The following HSD17B4 variants were observed in gnomAD, a reference collection of about 807,000 sequenced individuals.
HSD17B4 encodes hydroxysteroid 17-beta dehydrogenase 4, also known as peroxisomal multifunctional enzyme type 2.
A neutral mutation model predicts 101.0 loss-of-function variants in HSD17B4; 70 were observed. That is an observed-to-expected ratio of 0.69 (90% CI 0.57 to 0.85). HSD17B4 has a LOEUF of 0.85. HSD17B4 is among the 40% of genes least tolerant of loss of function. HSD17B4 has a pLI of 0.00. For missense variants in HSD17B4, 984 were observed against 892.4 expected (o/e 1.10, Z -1.31); for synonymous variants, 347 against 297.1 (o/e 1.17, Z -1.73).
chr5:119,525,621 A>T (rs780436991), intron 18 of HSD17B4: 15 of 518,572 alleles, frequency 2.9e-5, no homozygotes, highest in African/African-American at 1.3e-4. Context: ...ACCTGTGTGG[A>T]TGTTGAGAGT....
chr5:119,472,538 A>G (rs1210275408), intron 2 of HSD17B4: 1 of 151,826 alleles, frequency 6.6e-6, no homozygotes, highest in Non-Finnish European at 1.5e-5. Context: ...GGTTCAAGCG[A>G]TTCTCCTGCC....
intron 14 of HSD17B4, among the ~76,000 whole-genome samples, chr5:119,505,977 T>G (rs568292531): frequency 2.0e-5 from 3 of 152,288 alleles, no homozygotes; most frequent in South Asian, 4.1e-4. Flanking sequence ...CTGACTGCTT[T>G]TACTGTTGAA....
chr5:119,513,839 G>A (rs564798854), intron 16 of HSD17B4, among the ~76,000 whole-genome samples: 39 of 152,248 alleles, frequency 2.6e-4, no homozygotes, highest in African/African-American at 8.7e-4. Flanking sequence ...AACTACCATC[G>A]CGGCACTGTC....
intron 12 of HSD17B4, among the ~76,000 whole-genome samples, chr5:119,499,006 A>G (rs1295457050): frequency 6.6e-6 from 1 of 152,190 alleles, no homozygotes; most frequent in Non-Finnish European, 1.5e-5. Flanking sequence ...CTTAATAACA[A>G]ATTCATTATT....
At chr5:119,522,212 T>C (rs1311510994) in intron 17 of HSD17B4, among the ~76,000 whole-genome samples, 2 of 152,156 alleles carry the variant, frequency 1.3e-5, no homozygotes, top group South Asian at 4.1e-4. Flanking sequence ...TGCAATAGTT[T>C]TCTGAGAATG....
At chr5:119,486,880 C>T in intron 8 of HSD17B4, among the ~76,000 whole-genome samples, 1 of 152,032 alleles carries the variant, frequency 6.6e-6, no homozygotes. Context: ...CATTGTAGTT[C>T]AAATCTGCTG....
At chr5:119,516,353 A>G (rs911516079) in intron 17 of HSD17B4, among the ~76,000 whole-genome samples, 7 of 152,198 alleles carry the variant, frequency 4.6e-5, no homozygotes, top group Non-Finnish European at 1.0e-4. Flanking sequence ...CCTCTTTATT[A>G]TACTGAAATA....
intron 8 of HSD17B4, among the ~76,000 whole-genome samples, chr5:119,482,906 TTTC>T (rs1749272838): frequency 6.6e-6 from 1 of 152,002 alleles, no homozygotes; most frequent in Non-Finnish European, 1.5e-5. Flanking sequence ...CCTTTTTTTT[TTTC>T]TTTTTTTCTT....
intron 23 of HSD17B4, 133 bp downstream of exon 23, chr5:119,536,683 A>G: frequency 2.5e-6 from 2 of 798,332 alleles, no homozygotes; most frequent in Non-Finnish European, 4.3e-6. Flanking sequence ...CACAGTTGCT[A>G]CTGATACTCT....
intron 20 of HSD17B4, among the ~76,000 whole-genome samples, chr5:119,528,441 CT>C (rs1373345049): frequency 1.3e-5 from 2 of 152,108 alleles, no homozygotes; most frequent in East Asian, 3.8e-4. Flanking sequence ...GTCCTTCAGG[CT>C]TAAGTTCAAG....
At chr5:119,514,955 T>A in intron 16 of HSD17B4, 26 bp from the exon 17 acceptor site, 1 of 1,286,106 alleles carries the variant, frequency 7.8e-7, no homozygotes, top group Non-Finnish European at 1.1e-6. Flanking sequence ...GTATTTAAGA[T>A]TTAACATGTA....
At chr5:119,489,364 T>C (rs1384775609) in intron 9 of HSD17B4, 81 bp downstream of exon 9, 1 of 870,506 alleles carries the variant, frequency 1.1e-6, no homozygotes, top group Non-Finnish European at 2.0e-6. Context: ...TGGACATCAC[T>C]TGTATATTTT....
chr5:119,534,001 T>C (rs1389867221), intron 22 of HSD17B4, among the ~76,000 whole-genome samples: 2 of 152,144 alleles, frequency 1.3e-5, no homozygotes, highest in African/African-American at 4.8e-5. Flanking sequence ...TGTTTGTATG[T>C]ATCCAATACC....
intron 9 of HSD17B4, among the ~76,000 whole-genome samples, chr5:119,490,861 C>T (rs1750039780): frequency 1.3e-5 from 2 of 152,172 alleles, no homozygotes; most frequent in African/African-American, 4.8e-5. Flanking sequence ...AGCTACCGCA[C>T]CTGGCCTAGA....
chr5:119,530,774 A>G (rs1315182110), intron 21 of HSD17B4, among the ~76,000 whole-genome samples: 2 of 143,434 alleles, frequency 1.4e-5, no homozygotes, highest in Non-Finnish European at 3.0e-5. Flanking sequence ...AATCACGGGA[A>G]CCCGGGAGGT....
intron 12 of HSD17B4, among the ~76,000 whole-genome samples, chr5:119,497,091 A>G (rs1211605788): frequency 1.3e-5 from 2 of 152,144 alleles, no homozygotes; most frequent in Non-Finnish European, 2.9e-5. Context: ...TGGGGCTTGG[A>G]GAATGGAGGT....
At chr5:119,527,457 G>C (rs1753706535) in intron 20 of HSD17B4, among the ~76,000 whole-genome samples, 1 of 151,916 alleles carries the variant, frequency 6.6e-6, no homozygotes, top group Non-Finnish European at 1.5e-5. Context: ...CAACTAAATT[G>C]GTAGCTATCT....
intron 18 of HSD17B4, chr5:119,525,708 G>GTTTTTTT: frequency 1.8e-6 from 1 of 564,878 alleles, no homozygotes. Flanking sequence ...TTCTTTTCCT[G>GTTTTTTT]TTTTGTTTTT....
chr5:119,534,390 G>C (rs944203007), intron 22 of HSD17B4, among the ~76,000 whole-genome samples: 8 of 152,046 alleles, frequency 5.3e-5, no homozygotes, highest in African/African-American at 1.9e-4. Context: ...TATATGTACT[G>C]TATGATGATG....
Sources: allele counts gnomAD v4.1 joint callset (sites outside exome capture counted in the v4.1 genomes callset), GRCh38; gene constraint gnomAD v4.1.1; transcripts MANE v1.5; gene names NCBI Gene and HGNC (gene_info 2026-07-23, HGNC 2026-07-21).